Variants in DGKH observed in about 807,000 individuals in gnomAD.
DGKH encodes DAG kinase eta.
Under a neutral mutation model 159.3 loss-of-function variants are expected in DGKH, and 90 were observed. The ratio of observed to expected loss-of-function variants is 0.57; its 90% CI spans 0.48 to 0.67. The LOEUF is 0.67. DGKH is among the 30% of genes least tolerant of loss of function. The pLI is 0.00. For missense variants in DGKH, 1,181 were observed against 1,506.1 expected (o/e 0.78, Z 3.57); for synonymous variants, 536 against 553.8 (o/e 0.97, Z 0.45).
chr13:42,210,851 T>A, intron 24 of DGKH, 86 bp downstream of exon 24: 1 of 1,231,394 alleles, frequency 8.1e-7, no homozygotes, highest in Admixed American at 2.6e-5. Context: ...ATTGTTTCAG[T>A]AGTGGTATCA....
At chr13:42,062,825 G>T (rs1221743112) in intron 1 of DGKH, among the ~76,000 whole-genome samples, 2 of 152,220 alleles carry the variant, frequency 1.3e-5, no homozygotes, top group Non-Finnish European at 2.9e-5. Flanking sequence ...ACTTGAAACA[G>T]TTCTCGGGTT....
At chr13:42,151,531 GTA>G (rs146776372) in intron 3 of DGKH, among the ~76,000 whole-genome samples, 44,175 of 97,438 alleles carry the variant, frequency 0.45, 11,182 homozygotes, top group East Asian at 0.69. Flanking sequence ...ATATACACGT[GTA>G]TATATATATA....
intron 23 of DGKH, among the ~76,000 whole-genome samples, chr13:42,210,170 TTTTG>T (rs1372218224): frequency 1.3e-5 from 2 of 151,904 alleles, no homozygotes; most frequent in South Asian, 2.1e-4. Flanking sequence ...TGAAATATTT[TTTTG>T]TTTTTGTTTT....
chr13:42,248,705 G>A (rs561545508), intron 29 of DGKH, among the ~76,000 whole-genome samples: 9 of 147,494 alleles, frequency 6.1e-5, no homozygotes, highest in South Asian at 4.3e-4. Context: ...TATCTTTACC[G>A]TACCTTTTCT....
At chr13:42,115,642 T>A (rs1056087378) in intron 1 of DGKH, among the ~76,000 whole-genome samples, 6 of 152,176 alleles carry the variant, frequency 3.9e-5, no homozygotes, top group African/African-American at 1.4e-4. Context: ...TACCAAGTAC[T>A]TCTCTTTTAC....
chr13:42,148,147 T>G (rs1955784679), intron 3 of DGKH, among the ~76,000 whole-genome samples: 1 of 152,196 alleles, frequency 6.6e-6, no homozygotes, highest in Non-Finnish European at 1.5e-5. Context: ...GTTTCAAATC[T>G]TACCTACACA....
chr13:42,219,826 CATT>C (rs747717918), intron 28 of DGKH, 32 bp downstream of exon 28: 2 of 1,581,392 alleles, frequency 1.3e-6, no homozygotes, highest in African/African-American at 1.4e-5. Context: ...GGAAATATAA[CATT>C]ATGAAAAAAG....
chr13:42,158,839 C>A (rs898699778), intron 5 of DGKH, among the ~76,000 whole-genome samples: 2 of 152,066 alleles, frequency 1.3e-5, no homozygotes, highest in Non-Finnish European at 2.9e-5. Flanking sequence ...AAATACAATA[C>A]CAGAAATGTA....
Position 42,198,553 on chromosome 13 carries a change from C to A in DGKH, c.2243C>A (p.Pro748His). Reference protein sequence around the residue: ...INKMLLANIDPFGATPFIDPD... With the variant: ...INKMLLANIDHFGATPFIDPD... The stretch of plus-strand genomic sequence containing the variant: ...AAAATGTTACTGGCAAACATTGATC[C>A]TTTTGGTGCCACGCCGTTTATTGAC... Residue 748 changes from proline (P) to histidine (H), a missense_variant, in exon 18 of 30, where the codon CCT becomes CAT. Physicochemically the swap from Pro to His is moderately conservative, Grantham distance 77. Transcript: ENST00000337343. 6.2e-7 allele frequency: 1 copy of A among 1,613,310 alleles called. No individual in the cohort carries two copies. Among genetic ancestry groups the A allele is most frequent in the Non-Finnish European group, 8.5e-7 (1 of 1,179,754 alleles).
chr13:42,121,112 A>G (rs1955062682), intron 1 of DGKH, among the ~76,000 whole-genome samples: 1 of 151,644 alleles, frequency 6.6e-6, no homozygotes. Flanking sequence ...ACACACACAC[A>G]CGCACACAAG....
At chr13:42,202,160 A>C (rs1957362765) in intron 20 of DGKH, among the ~76,000 whole-genome samples, 1 of 152,236 alleles carries the variant, frequency 6.6e-6, no homozygotes, top group Non-Finnish European at 1.5e-5. Context: ...ATAAATGAAA[A>C]CATGTTAATA....
rs770829677 is a variant in DGKH at position 42,187,166 on chromosome 13, A to G, written c.1638+18A>G. Reference sequence around the variant, plus strand: ...CCAGTAAAGTAAGAGGGGACTCTTCAGGGCATGAGAGTTGTTTATGGACAA... The same window carrying G: ...CCAGTAAAGTAAGAGGGGACTCTTCGGGGCATGAGAGTTGTTTATGGACAA... On this transcript the variant is annotated intron_variant, in intron 14 of 29. Transcript: ENST00000337343. The G allele has an allele frequency of 3.8e-6, 6 of 1,593,044 alleles. No homozygotes were observed. The highest frequency in any genetic ancestry group is 1.3e-5 in the African/African-American group (1 of 74,494).
At chr13:42,221,241 G>A (rs369330530) in intron 28 of DGKH, 23 bp from the exon 29 acceptor site, 4 of 1,612,016 alleles carry the variant, frequency 2.5e-6, no homozygotes, top group African/African-American at 1.3e-5. Context: ...AAATTAAGGG[G>A]GTTTTGCTCT....
chr13:42,091,771 T>C (rs1460542531), intron 1 of DGKH, among the ~76,000 whole-genome samples: 1 of 152,162 alleles, frequency 6.6e-6, no homozygotes, highest in East Asian at 1.9e-4. Flanking sequence ...AATACTTGAA[T>C]AGACATTTCT....
intron 17 of DGKH, among the ~76,000 whole-genome samples, chr13:42,195,363 G>T (rs765628723): frequency 6.6e-6 from 1 of 152,122 alleles, no homozygotes; most frequent in Non-Finnish European, 1.5e-5. Context: ...TTAGCTAAGT[G>T]TAGTGGTACA....
chr13:42,090,427 G>A (rs934110184), intron 1 of DGKH, among the ~76,000 whole-genome samples: 3 of 151,986 alleles, frequency 2.0e-5, no homozygotes, highest in Admixed American at 2.0e-4. Context: ...AGAATCTCAA[G>A]GGACCCCAAA....
At chr13:42,195,593 A>G (rs577893290) in intron 17 of DGKH, among the ~76,000 whole-genome samples, 2 of 152,316 alleles carry the variant, frequency 1.3e-5, no homozygotes, top group East Asian at 1.9e-4. Context: ...ATCTGCATTT[A>G]CTAAGTTCCC....
intron 21 of DGKH, among the ~76,000 whole-genome samples, chr13:42,208,407 A>C (rs553923132): frequency 6.6e-6 from 1 of 152,126 alleles, no homozygotes; most frequent in African/African-American, 2.4e-5. Context: ...TTCTATTTGC[A>C]TACTCTCAAG....
At chr13:42,141,757 TC>T (rs1302567467) in intron 3 of DGKH, among the ~76,000 whole-genome samples, 5 of 152,240 alleles carry the variant, frequency 3.3e-5, no homozygotes, top group African/African-American at 1.2e-4. Flanking sequence ...TTTGTTTTTT[TC>T]TTGTAAGTTT....
Sources: allele counts gnomAD v4.1 joint callset (sites outside exome capture counted in the v4.1 genomes callset), GRCh38; gene constraint gnomAD v4.1.1; transcripts MANE v1.5; gene names NCBI Gene and HGNC (gene_info 2026-07-23, HGNC 2026-07-21).